Variants in ZBTB20 observed in about 807,000 individuals in gnomAD.
The protein encoded by ZBTB20 is zinc finger and BTB domain containing 20, also known as zinc finger and BTB domain-containing protein 20.
A neutral mutation model predicts 56.9 loss-of-function variants in ZBTB20; 9 were observed. The ratio of observed to expected loss-of-function variants is 0.16; its 90% confidence interval spans 0.10 to 0.28. The LOEUF is 0.28. ZBTB20 is among the 10% of genes least tolerant of loss of function. ZBTB20 has a pLI of 1.00. For missense variants in ZBTB20, 655 were observed against 1,003.0 expected, an observed-to-expected ratio of 0.65 and a Z score of 4.69; for synonymous variants, 417 against 420.7, an observed-to-expected ratio of 0.99 and a Z score of 0.11.
intron 1 of ZBTB20, among the ~76,000 whole-genome samples, chr3:115,114,029 C>CAATACA (rs1215591182): frequency 4.2e-4 from 64 of 152,222 alleles, no homozygotes; most frequent in Admixed American, 6.5e-4. Flanking sequence ...ACAATACATA[C>CAATACA]ATTACAGAAC....
At chr3:114,878,853 A>T (rs1468336070) in intron 4 of ZBTB20, among the ~76,000 whole-genome samples, 1 of 152,222 alleles carries the variant, frequency 6.6e-6, no homozygotes, top group African/African-American at 2.4e-5. Flanking sequence ...AAGTTTCTGA[A>T]ATGCCATGTC....
chr3:115,085,636 A>C (rs1393847884), intron 1 of ZBTB20, among the ~76,000 whole-genome samples: 3 of 151,978 alleles, frequency 2.0e-5, no homozygotes, highest in Non-Finnish European at 2.9e-5. Flanking sequence ...ATTTGGGCAT[A>C]ATTTCCAAGA....
intron 4 of ZBTB20, among the ~76,000 whole-genome samples, chr3:114,898,034 C>A (rs958722344): frequency 6.6e-6 from 1 of 152,038 alleles, no homozygotes; most frequent in African/African-American, 2.4e-5. Context: ...GTCATAGAGA[C>A]CATAATTATA....
chr3:115,067,372 G>C (rs1445923161), intron 2 of ZBTB20, among the ~76,000 whole-genome samples: 1 of 152,026 alleles, frequency 6.6e-6, no homozygotes, highest in Admixed American at 6.6e-5. Context: ...GATCGAGTTA[G>C]TCAAATGTCA....
chr3:114,662,389 G>A (rs1257115692), intron 6 of ZBTB20, among the ~76,000 whole-genome samples: 4 of 145,510 alleles, frequency 2.7e-5, no homozygotes, highest in Non-Finnish European at 3.0e-5. Context: ...CTTTATAGCA[G>A]CATGATTTAT....
chr3:114,716,666 C>T (rs1225166928), intron 5 of ZBTB20, among the ~76,000 whole-genome samples: 1 of 152,138 alleles, frequency 6.6e-6, no homozygotes, highest in East Asian at 1.9e-4. Context: ...AAGGTTTCCA[C>T]TGCTAACACT....
At chr3:114,625,494 A>G (rs2058606594) in intron 6 of ZBTB20, among the ~76,000 whole-genome samples, 1 of 152,230 alleles carries the variant, frequency 6.6e-6, no homozygotes, top group Non-Finnish European at 1.5e-5. Flanking sequence ...GAAAAGCCTC[A>G]TATTTCATAA....
At chr3:114,568,796 G>A (rs970945257) in intron 6 of ZBTB20, among the ~76,000 whole-genome samples, 1 of 152,222 alleles carries the variant, frequency 6.6e-6, no homozygotes. Context: ...AATGATAGTA[G>A]TAAGTAATGA....
chr3:114,507,832 A>C (rs1429292349), intron 6 of ZBTB20, among the ~76,000 whole-genome samples: 1 of 152,144 alleles, frequency 6.6e-6, no homozygotes, highest in African/African-American at 2.4e-5. Flanking sequence ...CTACAGTTTA[A>C]AAAGAAATAA....
At chr3:114,562,828 A>C (rs1351132238) in intron 6 of ZBTB20, among the ~76,000 whole-genome samples, 2 of 152,226 alleles carry the variant, frequency 1.3e-5, no homozygotes, top group Non-Finnish European at 2.9e-5. Flanking sequence ...TTGGTAAGGC[A>C]GTCAGAACAT....
intron 6 of ZBTB20, among the ~76,000 whole-genome samples, chr3:114,586,695 G>C (rs1264309007): frequency 6.6e-6 from 1 of 152,160 alleles, no homozygotes; most frequent in Non-Finnish European, 1.5e-5. Flanking sequence ...AGTGAATGGA[G>C]ACCCTGGCAG....
chr3:115,123,723 T>TG (rs2084245955), intron 1 of ZBTB20, among the ~76,000 whole-genome samples: 1 of 152,214 alleles, frequency 6.6e-6, no homozygotes, highest in African/African-American at 2.4e-5. Flanking sequence ...CTAAGGCACT[T>TG]GTACATATTT....
intron 2 of ZBTB20, among the ~76,000 whole-genome samples, chr3:114,991,480 A>G (rs2078807223): frequency 6.6e-6 from 1 of 151,896 alleles, no homozygotes; most frequent in African/African-American, 2.4e-5. Context: ...AGTTTGTTAT[A>G]ATTTCTGTTC....
chr3:114,485,255 C>G (rs1013933097), intron 7 of ZBTB20, among the ~76,000 whole-genome samples: 3 of 152,202 alleles, frequency 2.0e-5, no homozygotes, highest in Non-Finnish European at 4.4e-5. Context: ...TGAGAGGAAA[C>G]TAAAACCCTA....
At chr3:115,082,424 T>C (rs1009574373) in intron 1 of ZBTB20, among the ~76,000 whole-genome samples, 5 of 152,162 alleles carry the variant, frequency 3.3e-5, no homozygotes, top group African/African-American at 1.2e-4. Context: ...TACATTTATA[T>C]ACCTTGCTGC....
intron 1 of ZBTB20, among the ~76,000 whole-genome samples, chr3:115,094,015 C>T (rs1053219968): frequency 4.6e-5 from 7 of 152,028 alleles, no homozygotes; most frequent in African/African-American, 1.7e-4. Flanking sequence ...CCCTCAGCTA[C>T]CCTCAGCTTT....
Position 115,038,298 on chromosome 3 carries a change from C to T in ZBTB20, c.-507+32921G>A, listed in dbSNP as rs77516229. On this transcript the variant is annotated intron_variant, in intron 2 of 11. Transcript: ENST00000675478. ...CTTCATTTTGAAGATACTCATAAACCCAATTAACAATTTTCAATGACAAAG... is the reference window on the plus strand; with the variant it reads ...CTTCATTTTGAAGATACTCATAAACTCAATTAACAATTTTCAATGACAAAG... 5.3e-3 allele frequency among the ~76,000 whole-genome samples: 805 copies of T among 152,160 alleles called. 8 individuals carry two copies. Among genetic ancestry groups the T allele is most frequent in the African/African-American group, 0.018 (768 of 41,518 alleles).
chr3:114,343,106 C>T (rs1452156231), intron 11 of ZBTB20, among the ~76,000 whole-genome samples: 1 of 150,650 alleles, frequency 6.6e-6, no homozygotes, highest in Non-Finnish European at 1.5e-5. Flanking sequence ...TTCTCAAGGA[C>T]CAGCTCTGAC....
At chr3:114,389,727 A>C (rs1459480866) in intron 7 of ZBTB20, among the ~76,000 whole-genome samples, 1 of 4,330 alleles carries the variant, frequency 2.3e-4, no homozygotes, top group African/African-American at 2.5e-4. Flanking sequence ...GTCTCTACTA[A>C]AATGCAAAAA....
Sources: allele counts gnomAD v4.1 joint callset (sites outside exome capture counted in the v4.1 genomes callset), GRCh38; gene constraint gnomAD v4.1.1; transcripts MANE v1.5; gene names NCBI Gene and HGNC (gene_info 2026-07-23, HGNC 2026-07-21).